The following HCFC2 variants were observed in gnomAD, a reference collection of about 807,000 sequenced individuals.
HCFC2 encodes the protein host cell factor 2.
Under a neutral mutation model 89.2 loss-of-function variants are expected in HCFC2, and 18 were observed. The observed-to-expected ratio is 0.20, with a 90% CI of 0.14 to 0.30. The LOEUF is 0.30. HCFC2 is among the 10% of genes least tolerant of loss of function. HCFC2 has a pLI of 1.00. For missense variants in HCFC2, 578 were observed against 956.1 expected, an observed-to-expected ratio of 0.60 and a Z score of 5.21; for synonymous variants, 308 against 335.7, an observed-to-expected ratio of 0.92 and a Z score of 0.90.
Position 104,103,473 on chromosome 12 carries a change from T to C in HCFC2, c.*200T>C. On this transcript the variant is annotated 3_prime_UTR_variant, in exon 15 of 15. Transcript: ENST00000229330. ...AGCAAAGACTCTCTGAAAATTAGTATATGAGTTCTTCCTTACAGATATAGC... is the reference window on the plus strand; with the variant it reads ...AGCAAAGACTCTCTGAAAATTAGTACATGAGTTCTTCCTTACAGATATAGC... The C allele has an allele frequency of 1.9e-6, 1 of 540,154 alleles. No homozygotes were observed. The allele number at this position is 540,154 out of a possible 1,614,324, so 33.5% of individuals were successfully genotyped here. A position where few individuals can be genotyped will look rare whatever the true frequency, so the allele number is the denominator to read the frequency against.
chr12:104,091,880 A>G (rs1031663689), intron 9 of HCFC2, among the ~76,000 whole-genome samples: 3 of 152,196 alleles, frequency 2.0e-5, no homozygotes, highest in Non-Finnish European at 4.4e-5. Flanking sequence ...TATATAGTAC[A>G]CTGCCTGCCA....
intron 2 of HCFC2, among the ~76,000 whole-genome samples, chr12:104,067,595 G>A (rs1451105047): frequency 1.3e-5 from 2 of 152,078 alleles, no homozygotes; most frequent in Admixed American, 6.5e-5. Flanking sequence ...TACCATTCAT[G>A]GATTACCTTT....
At chr12:104,080,530 A>G (rs2136608032) in intron 4 of HCFC2, 1 of 349,556 alleles carries the variant, frequency 2.9e-6, no homozygotes, top group Non-Finnish European at 5.2e-6. Flanking sequence ...CAGCACCCAT[A>G]GATATGGAGG....
Position 104,095,646 on chromosome 12 carries a change from G to T in HCFC2, c.1666+83G>T, listed in dbSNP as rs1884156699. On this transcript the variant is annotated intron_variant, in intron 11 of 14. Coordinates refer to ENST00000229330, the MANE Select transcript of HCFC2 (RefSeq NM_013320.3). The surrounding 1 kb of genome is among the most constrained non-coding windows in gnomAD (Gnocchi z 4.2). ...AACTTACTTGTCTTAGATGGGAGTTGCATTTCATCTTGGAATTTTGTTATT... is the reference window on the plus strand; with the variant it reads ...AACTTACTTGTCTTAGATGGGAGTTTCATTTCATCTTGGAATTTTGTTATT... 5 of 1,036,348 alleles carry T rather than the reference G, an allele frequency of 4.8e-6. No individual in the cohort carries two copies. Among genetic ancestry groups the T allele is most frequent in the Admixed American group, 5.0e-5 (2 of 40,384 alleles). The allele number at this position is 1,036,348 out of a possible 1,614,324, so 64.2% of individuals were successfully genotyped here. A position where few individuals can be genotyped will look rare whatever the true frequency, so the allele number is the denominator to read the frequency against.
chr12:104,073,191 G>C (rs1333188398), intron 3 of HCFC2, among the ~76,000 whole-genome samples: 2 of 141,518 alleles, frequency 1.4e-5, no homozygotes, highest in East Asian at 4.1e-4. Flanking sequence ...TTGAGACGGA[G>C]TCTAGCTGCA....
At chr12:104,085,008 A>G (rs990967946) in intron 7 of HCFC2, among the ~76,000 whole-genome samples, 2 of 152,200 alleles carry the variant, frequency 1.3e-5, no homozygotes, top group African/African-American at 4.8e-5. Flanking sequence ...ATTTGAATGA[A>G]TAGATGAATC....
intron 12 of HCFC2, among the ~76,000 whole-genome samples, chr12:104,097,035 A>G (rs1048368889): frequency 6.6e-6 from 1 of 152,188 alleles, no homozygotes; most frequent in African/African-American, 2.4e-5. Flanking sequence ...CATGGCACCA[A>G]ACTTTAAATG....
intron 3 of HCFC2, among the ~76,000 whole-genome samples, chr12:104,069,556 A>G (rs1883255758): frequency 6.7e-6 from 1 of 149,430 alleles, no homozygotes; most frequent in Admixed American, 6.7e-5. Flanking sequence ...CACATATGAG[A>G]TCATGCAATA....
chr12:104,095,420 T>A lies in HCFC2; in HGVS notation c.1523T>A (p.Ile508Asn). The change falls in exon 11 of 15, where the codon ATT becomes AAT. Residue 508 changes from isoleucine (I) to asparagine (N), a missense_variant. Coordinates refer to ENST00000229330, the MANE Select transcript of HCFC2 (RefSeq NM_013320.3). This position sits in a 1 kb window ranked among gnomAD's most constrained non-coding sequence, Gnocchi z 4.2. Reference protein sequence around the residue: ...LSSCLDVRTVIPETSVSSTVS... With the variant: ...LSSCLDVRTVNPETSVSSTVS... ...AGTTGCCTGGATGTAAGAACAGTAATTCCTGAAACATCTGTATCCAGTACT... is the reference window on the plus strand; with the variant it reads ...AGTTGCCTGGATGTAAGAACAGTAAATCCTGAAACATCTGTATCCAGTACT... The A allele has an allele frequency of 6.2e-7, 1 of 1,613,788 alleles. No homozygotes were observed. Among genetic ancestry groups the A allele is most frequent in the Admixed American group, 1.7e-5 (1 of 60,004 alleles).
intron 3 of HCFC2, among the ~76,000 whole-genome samples, chr12:104,072,692 G>C (rs1315882430): frequency 6.6e-6 from 1 of 151,766 alleles, no homozygotes; most frequent in South Asian, 2.1e-4. Context: ...GCCCAGGCTG[G>C]AGTGCAGTGG....
intron 3 of HCFC2, among the ~76,000 whole-genome samples, chr12:104,070,801 CTTTTTT>C (rs35437369): frequency 8.8e-5 from 11 of 125,008 alleles, no homozygotes; most frequent in African/African-American, 3.2e-4. Flanking sequence ...ATACTTTTTA[CTTTTTT>C]TTTTTTTTTT....
At chr12:104,093,689 A>G (rs1293259217) in intron 10 of HCFC2, 126 bp downstream of exon 10, 2 of 720,184 alleles carry the variant, frequency 2.8e-6, no homozygotes, top group Non-Finnish European at 2.3e-6. Flanking sequence ...GCCATATTCA[A>G]CCTGGTTAGA....
At position 104,093,968 on chromosome 12, in the gene HCFC2, C is replaced by G. The variant is rs117997496; in HGVS notation, c.1462+405C>G. On this transcript the variant is annotated intron_variant, in intron 10 of 14. Transcript: ENST00000229330. The stretch of plus-strand genomic sequence containing the variant: ...AGGCGAGAATTCATCATTTAAGAGA[C>G]GTTTAGAAGGTTTCATCTATTAGAC... Among the ~76,000 whole-genome samples the G allele has an allele frequency of 1.9e-4, 29 of 151,914 alleles. No individual in the cohort carries two copies. In the East Asian group the frequency reaches 5.2e-3, roughly 27 times the overall value.
chr12:104,071,401 A>G lies in HCFC2; in HGVS notation c.473+3294A>G, dbSNP rs531998358. Among the ~76,000 whole-genome samples, 10 of 152,354 alleles carry G rather than the reference A, an allele frequency of 6.6e-5. No homozygotes were observed. In the South Asian group the frequency reaches 2.1e-3, roughly 32 times the overall value. On this transcript the variant is annotated intron_variant, in intron 3 of 14. Transcript: ENST00000229330. ...AGAGGGCCAGTAGGTGCATGCGGTT[A>G]CATACAATGCTTTTTAAAGCCTATG...
chr12:104,075,382 T>C (rs1883460615), intron 3 of HCFC2, among the ~76,000 whole-genome samples: 1 of 151,912 alleles, frequency 6.6e-6, no homozygotes, highest in Non-Finnish European at 1.5e-5. Context: ...TTTTATTGAC[T>C]GTCTGTTTTT....
At chr12:104,077,172 G>C (rs1356520633) in intron 3 of HCFC2, among the ~76,000 whole-genome samples, 2 of 151,598 alleles carry the variant, frequency 1.3e-5, no homozygotes, top group African/African-American at 2.4e-5. Context: ...TTTTAAGTTT[G>C]TATTTTCTTC....
chr12:104,080,901 A>G, intron 5 of HCFC2, 71 bp downstream of exon 5: 1 of 920,798 alleles, frequency 1.1e-6, no homozygotes, highest in South Asian at 1.5e-5. Context: ...CAAAGAAAGT[A>G]ATGCTAGTAG....
At chr12:104,076,966 A>G (rs1463283669) in intron 3 of HCFC2, among the ~76,000 whole-genome samples, 1 of 151,982 alleles carries the variant, frequency 6.6e-6, no homozygotes, top group Non-Finnish European at 1.5e-5. Flanking sequence ...ATGTATATGT[A>G]TATGTGTGTT....
At position 104,095,304 on chromosome 12, in the gene HCFC2, C is replaced by T; in HGVS notation, c.1463-56C>T. The T allele has an allele frequency of 1.5e-6, 2 of 1,326,272 alleles. No homozygotes were observed. The highest frequency in any genetic ancestry group is 1.2e-5 in the South Asian group (1 of 80,828). The allele number at this position is 1,326,272 out of a possible 1,614,324, so 82.2% of individuals were successfully genotyped here. A position where few individuals can be genotyped will look rare whatever the true frequency, so the allele number is the denominator to read the frequency against. ...GAATCATATGACAAGAACGATAAGA[C>T]ACAACAATTATCTGCAGATATCATA... On this transcript the variant is annotated intron_variant, in intron 10 of 14. Coordinates refer to ENST00000229330, the MANE Select transcript of HCFC2 (RefSeq NM_013320.3). This position sits in a 1 kb window ranked among gnomAD's most constrained non-coding sequence, Gnocchi z 4.2.
Sources: gnomAD v4.1 joint callset for allele counts (sites outside exome capture counted in the v4.1 genomes callset) on GRCh38, gnomAD v4.1.1 for gene constraint, Gnocchi (gnomAD v3.1) non-coding constraint, MANE v1.5 for transcripts, NCBI Gene and HGNC (gene_info 2026-07-23, HGNC 2026-07-21) for gene names.